KDM7A: variants seen among roughly 807,000 people sequenced by gnomAD.
KDM7A encodes lysine demethylase 7A.
In KDM7A, 28 loss-of-function variants were observed where a neutral mutation model predicts 114.8. The ratio of observed to expected loss-of-function variants is 0.24; its 90% CI spans 0.18 to 0.33. The LOEUF (loss-of-function observed/expected upper bound fraction) is 0.33. Among genes scored for constraint, KDM7A ranks in the 10% least tolerant of loss-of-function variants. The pLI is 1.00. For missense variants in KDM7A, 942 were observed against 1,142.5 expected (o/e 0.82, Z 2.53); for synonymous variants, 423 against 397.8 (o/e 1.06, Z -0.75).
In KDM7A at chr7:140,099,040, T is replaced by TAAG. The variant is rs1223842703; in HGVS notation, c.1764-10_1764-8dup. 4 of 1,601,022 alleles carry TAAG rather than the reference T, an allele frequency of 2.5e-6. No individual in the cohort carries two copies. Among genetic ancestry groups the TAAG allele is most frequent in the Non-Finnish European group, 2.6e-6 (3 of 1,173,762 alleles). ...AAAGGGCTGCCTTTCATCTCTGTAT[T>TAAG]AAGAAGGAAAAGTAATCAGAATATA... On this transcript the variant is annotated splice_region_variant and splice_polypyrimidine_tract_variant and intron_variant, in intron 13 of 19. Coordinates refer to ENST00000397560, the MANE Select transcript of KDM7A (RefSeq NM_030647.2).
intron 9 of KDM7A, among the ~76,000 whole-genome samples, chr7:140,114,197 A>C (rs1562949909): frequency 6.6e-6 from 1 of 151,800 alleles, no homozygotes; most frequent in Non-Finnish European, 1.5e-5. Flanking sequence ...TCCCCTTTCC[A>C]CGGTCTCCCT....
chr7:140,157,908 G>A (rs921275873), intron 1 of KDM7A, among the ~76,000 whole-genome samples: 2 of 151,606 alleles, frequency 1.3e-5, no homozygotes, highest in Admixed American at 1.3e-4. Flanking sequence ...GGCAGAGGTT[G>A]CAGTGAGCCG....
chr7:140,124,232 T>C (rs1045402479), intron 7 of KDM7A, among the ~76,000 whole-genome samples: 2 of 151,662 alleles, frequency 1.3e-5, no homozygotes, highest in Non-Finnish European at 2.9e-5. Flanking sequence ...GAGGCGGGAA[T>C]GGGAAGTGAC....
chr7:140,115,478 T>TA (rs1003539218), intron 9 of KDM7A, among the ~76,000 whole-genome samples: 6 of 152,354 alleles, frequency 3.9e-5, no homozygotes, highest in South Asian at 2.1e-4. Context: ...GGGATGCTGT[T>TA]AATCTATGAC....
chr7:140,113,464 A>T (rs1404118293), intron 10 of KDM7A, 27 bp downstream of exon 10: 7 of 966,124 alleles, frequency 7.2e-6, no homozygotes, highest in Non-Finnish European at 9.6e-6. Flanking sequence ...CATAAAACAC[A>T]GTGATTTCAC....
At chr7:140,109,339 T>C (rs953591821) in intron 11 of KDM7A, among the ~76,000 whole-genome samples, 37 of 152,366 alleles carry the variant, frequency 2.4e-4, no homozygotes, top group African/African-American at 8.4e-4. Context: ...ACCCATCTTC[T>C]GTGTCGCTCA....
At chr7:140,116,000 T>G (rs899747156) in intron 9 of KDM7A, among the ~76,000 whole-genome samples, 1 of 152,008 alleles carries the variant, frequency 6.6e-6, no homozygotes, top group Non-Finnish European at 1.5e-5. Context: ...ATCCATGAGA[T>G]TTGCAAAAAT....
intron 9 of KDM7A, among the ~76,000 whole-genome samples, chr7:140,118,061 T>G (rs936925466): frequency 6.6e-6 from 1 of 152,268 alleles, no homozygotes; most frequent in African/African-American, 2.4e-5. Context: ...TTACCTTTTC[T>G]TCTTGTTTAA....
intron 11 of KDM7A, 121 bp downstream of exon 11, chr7:140,110,970 CTCAG>C (rs1818420539): frequency 3.8e-6 from 2 of 522,066 alleles, no homozygotes; most frequent in South Asian, 7.9e-5. Flanking sequence ...CCTCCAAAGA[CTCAG>C]CTCATTATAT....
At chr7:140,095,752 ATCTATAGT>A (rs1344761075) in intron 17 of KDM7A, 1 of 184,484 alleles carries the variant, frequency 5.4e-6, no homozygotes, top group Admixed American at 6.2e-5. Flanking sequence ...GGTGACATGC[ATCTATAGT>A]TCCAGCTACT....
intron 10 of KDM7A, among the ~76,000 whole-genome samples, chr7:140,113,056 G>A (rs1818458297): frequency 6.6e-6 from 1 of 152,200 alleles, no homozygotes; most frequent in African/African-American, 2.4e-5. Flanking sequence ...TCTTGGGCAA[G>A]TTACTTAACT....
chr7:140,097,789 T>G (rs763235295), intron 14 of KDM7A, 147 bp from the exon 15 acceptor site: 1 of 546,194 alleles, frequency 1.8e-6, no homozygotes, highest in South Asian at 2.4e-5. Context: ...ATTTTCTTCA[T>G]TTCTTTCTCC....
intron 12 of KDM7A, among the ~76,000 whole-genome samples, chr7:140,100,740 A>T (rs1818208715): frequency 3.9e-5 from 2 of 51,064 alleles, no homozygotes; most frequent in African/African-American, 1.5e-4. Context: ...ATATATATAT[A>T]TACATATATA....
intron 7 of KDM7A, 119 bp from the exon 8 acceptor site, chr7:140,120,648 T>G (rs1818604847): frequency 6.5e-6 from 4 of 613,920 alleles, no homozygotes; most frequent in Non-Finnish European, 8.8e-6. Context: ...ATTTCAGTGC[T>G]AGAGAAGTTA....
chr7:140,173,744 A>C (rs571441420), intron 1 of KDM7A, among the ~76,000 whole-genome samples: 2 of 152,312 alleles, frequency 1.3e-5, no homozygotes, highest in Admixed American at 1.3e-4. Context: ...ATATTTGTTT[A>C]ATAGTTAATA....
At chr7:140,100,374 A>G (rs963984500) in intron 12 of KDM7A, among the ~76,000 whole-genome samples, 21 of 152,090 alleles carry the variant, frequency 1.4e-4, no homozygotes, top group African/African-American at 4.3e-4. Context: ...TCTTCCTGCT[A>G]AAGTGCTAGC....
chr7:140,098,276 AC>A (rs1307728968), intron 14 of KDM7A, among the ~76,000 whole-genome samples: 3 of 152,244 alleles, frequency 2.0e-5, no homozygotes, highest in Non-Finnish European at 2.9e-5. Context: ...ATATATTTGA[AC>A]TACTTTTTAA....
intron 17 of KDM7A, 109 bp from the exon 18 acceptor site, chr7:140,094,247 G>A: frequency 2.7e-6 from 2 of 747,048 alleles, no homozygotes; most frequent in Non-Finnish European, 2.4e-6. Flanking sequence ...GCTCACGCCT[G>A]TAATCCCAAC....
At chr7:140,116,142 C>T (rs1818525584) in intron 9 of KDM7A, among the ~76,000 whole-genome samples, 1 of 152,176 alleles carries the variant, frequency 6.6e-6, no homozygotes, top group Non-Finnish European at 1.5e-5. Context: ...GCAATTAGGC[C>T]TGTTTTCTGG....
Sources: allele counts gnomAD v4.1 joint callset (sites outside exome capture counted in the v4.1 genomes callset), GRCh38; gene constraint gnomAD v4.1.1; transcripts MANE v1.5; gene names NCBI Gene and HGNC (gene_info 2026-07-23, HGNC 2026-07-21).